POPDC2: variants seen among roughly 807,000 people sequenced by gnomAD.
POPDC2 encodes the protein popeye domain cAMP effector 2.
Under a neutral mutation model 30.5 loss-of-function variants are expected in POPDC2, and 24 were observed. That is an observed-to-expected ratio of 0.79 (90% CI 0.57 to 1.11). POPDC2 has a LOEUF of 1.11. Ranked by LOEUF, POPDC2 falls within the 50% of genes least tolerant of loss-of-function variation. The probability of loss-of-function intolerance (pLI) is 0.00; values close to 1 mark genes in which losing one functional copy is unlikely to be tolerated. For synonymous variants in POPDC2, 185 were observed against 183.3 expected, an observed-to-expected ratio of 1.01 and a Z score of -0.07; for missense variants, 409 against 447.0, an observed-to-expected ratio of 0.91 and a Z score of 0.77.
chr3:119,654,478 C>T (rs753070097), intron 2 of POPDC2, 27 bp downstream of exon 2: 17 of 1,476,952 alleles, frequency 1.2e-5, no homozygotes, highest in African/African-American at 6.9e-5. Context: ...TGGGGTGAGG[C>T]GGTGCTGCCA....
chr3:119,653,004 G>A (rs1230316096), intron 2 of POPDC2, among the ~76,000 whole-genome samples: 4 of 147,398 alleles, frequency 2.7e-5, no homozygotes, highest in African/African-American at 9.9e-5. Context: ...ATCCAGGCAG[G>A]GGAGTCCTTA....
intron 3 of POPDC2, among the ~76,000 whole-genome samples, chr3:119,646,556 T>C (rs946456114): frequency 2.0e-5 from 3 of 152,094 alleles, no homozygotes; most frequent in African/African-American, 7.2e-5. Context: ...GGAGGATCGC[T>C]TGAGCTTTTG....
chr3:119,644,469 C>T (rs982569978), intron 3 of POPDC2, among the ~76,000 whole-genome samples: 7 of 152,048 alleles, frequency 4.6e-5, no homozygotes, highest in Admixed American at 1.3e-4. Flanking sequence ...GCTGGAAGAC[C>T]CTGCATGAAT....
At chr3:119,659,830 G>A (rs1344300278) in intron 1 of POPDC2, 103 bp downstream of exon 1, 2 of 1,375,596 alleles carry the variant, frequency 1.5e-6, no homozygotes, top group African/African-American at 2.9e-5. Context: ...TCAATGGAAG[G>A]GGACACGAAA....
Position 119,660,516 on chromosome 3 carries a change from T to C in POPDC2, c.-93A>G. The C allele has an allele frequency of 7.1e-7, 1 of 1,417,734 alleles. No individual in the cohort carries two copies. Among genetic ancestry groups the C allele is most frequent in the Non-Finnish European group, 9.4e-7 (1 of 1,069,142 alleles). The allele number at this position is 1,417,734 out of a possible 1,614,324, so 87.8% of individuals were successfully genotyped here. ...TGAATCCATCCGCTCAGGGGTCTTC[T>C]CACCTCCGGCTTCTCACTACCGACT... On this transcript the variant is annotated 5_prime_UTR_variant, in exon 1 of 4. Coordinates refer to ENST00000493094, the MANE Select transcript of POPDC2 (RefSeq NM_001369919.2).
chr3:119,642,605 G>C (rs372475108), intron 3 of POPDC2, 44 bp from the exon 4 acceptor site: 1 of 1,341,732 alleles, frequency 7.5e-7, no homozygotes, highest in African/African-American at 1.4e-5. Context: ...TATGTCTCTG[G>C]ACAGTTTGTC....
chr3:119,650,236 G>A (rs747842130), intron 2 of POPDC2, among the ~76,000 whole-genome samples: 1 of 152,038 alleles, frequency 6.6e-6, no homozygotes, highest in Non-Finnish European at 1.5e-5. Flanking sequence ...GAAATATGCT[G>A]TACTTCTTCC....
intron 1 of POPDC2, among the ~76,000 whole-genome samples, chr3:119,659,345 T>C (rs1237497157): frequency 6.6e-6 from 1 of 152,106 alleles, no homozygotes; most frequent in Non-Finnish European, 1.5e-5. Context: ...AATGGAAAGG[T>C]GGGCAAGGGG....
At position 119,648,368 on chromosome 3, in the gene POPDC2, G is replaced by C. The variant is rs547118452; in HGVS notation, c.901C>G (p.Pro301Ala). The change falls in exon 3 of 4, where the codon CCC (proline) becomes GCC (alanine). Residue 301 changes from proline to alanine, a missense_variant. Transcript: ENST00000493094. ...GGGGGTGTTTGCTGGAGAGAGGTGGGTGTGGCCTGAGGAGGGGACACAGCT... is the reference window on the plus strand; with the variant it reads ...GGGGGTGTTTGCTGGAGAGAGGTGGCTGTGGCCTGAGGAGGGGACACAGCT... ...EPAVSPPQAT[P>A]TSLQQTPPCS... 1.5e-5 allele frequency: 24 copies of C among 1,614,164 alleles called. No homozygotes were observed. The Admixed American group carries it at 2.3e-4, about 16-fold the overall frequency.
At chr3:119,643,391 A>G in intron 3 of POPDC2, 1 of 1,535,830 alleles carries the variant, frequency 6.5e-7, no homozygotes, top group Non-Finnish European at 8.7e-7. Context: ...GGATTCTGCC[A>G]GCTGCCACCT....
intron 1 of POPDC2, among the ~76,000 whole-genome samples, chr3:119,655,533 T>G (rs1347674558): frequency 1.3e-5 from 2 of 152,210 alleles, no homozygotes; most frequent in East Asian, 3.8e-4. Context: ...GCTCCACAGA[T>G]TCTCCTTTCT....
At position 119,660,264 on chromosome 3, in the gene POPDC2, A is replaced by C; in HGVS notation, c.160T>G (p.Phe54Val). ...AGGTAACCTGCACTCAGGAAGCCAA[A>C]AAGATAGAAGCATCCATACACCCCA... ...GSGVYGCFYL[F>V]GFLSAGYLCC... Residue 54 changes from phenylalanine to valine, a missense_variant, in exon 1 of 4, where the codon TTT (phenylalanine) becomes GTT (valine). Phe to Val is a conservative substitution (Grantham distance 50). Transcript: ENST00000493094. The C allele has an allele frequency of 6.2e-7, 1 of 1,614,198 alleles. No individual in the cohort carries two copies. The highest frequency in any genetic ancestry group is 8.5e-7 in the Non-Finnish European group (1 of 1,180,030).
In POPDC2 at chr3:119,654,494, CTCCCTG is replaced by C. The variant is rs763670627; in HGVS notation, c.600+5_600+10del. On this transcript the variant is annotated splice_donor_5th_base_variant and intron_variant, in intron 2 of 3. Coordinates refer to ENST00000493094, the MANE Select transcript of POPDC2 (RefSeq NM_001369919.2). Reference sequence around the variant, plus strand: ...GGGGTGAGGCGGTGCTGCCACCAGGCTCCCTGTTACCTGGAACACCCCCTCCTCAGA... The same window carrying C: ...GGGGTGAGGCGGTGCTGCCACCAGGCTTACCTGGAACACCCCCTCCTCAGA... 6.3e-7 allele frequency: 1 copy of C among 1,576,798 alleles called. No individual in the cohort carries two copies. Among genetic ancestry groups the C allele is most frequent in the South Asian group, 1.1e-5 (1 of 90,274 alleles).
At chr3:119,659,542 CCT>C (rs2052916649) in intron 1 of POPDC2, among the ~76,000 whole-genome samples, 1 of 152,200 alleles carries the variant, frequency 6.6e-6, no homozygotes, top group South Asian at 2.1e-4. Flanking sequence ...AACAGATTAA[CCT>C]TATTGAAATG....
In POPDC2 at chr3:119,659,854, G is replaced by A. The variant is rs534134885; in HGVS notation, c.491+79C>T. On this transcript the variant is annotated intron_variant, in intron 1 of 3. Transcript: ENST00000493094. ...GGGGACACGAAATGGAAAGGGACATGAAATGGAAAGGGACACACTAGGAAA... is the reference window on the plus strand; with the variant it reads ...GGGGACACGAAATGGAAAGGGACATAAAATGGAAAGGGACACACTAGGAAA... 3.4e-6 allele frequency: 5 copies of A among 1,466,376 alleles called. No individual in the cohort carries two copies. In the African/African-American group the frequency reaches 5.7e-5, roughly 17 times the overall value. The allele number at this position is 1,466,376 out of a possible 1,614,324, so 90.8% of individuals were successfully genotyped here.
rs1485769947 is a variant in POPDC2 at position 119,648,566 on chromosome 3, C to T, written c.703G>A (p.Ala235Thr). The change falls in exon 3 of 4, where the codon GCT (alanine) becomes ACT (threonine). Residue 235 changes from alanine to threonine, a missense_variant. Ala to Thr is a moderately conservative substitution (Grantham distance 58). Transcript: ENST00000493094. ...TCTGAGATGTCATATCCCAGCAGAG[C>T]CGAGAAGAGGCAGGAGATGTATCGC... Reference protein sequence around the residue: ...KERYISCLFSALLGYDISEKL... With the variant: ...KERYISCLFSTLLGYDISEKL... 6.2e-7 allele frequency: 1 copy of T among 1,613,978 alleles called. No homozygotes were observed. The highest frequency in any genetic ancestry group is 8.5e-7 in the Non-Finnish European group (1 of 1,180,034).
intron 3 of POPDC2, among the ~76,000 whole-genome samples, chr3:119,645,566 C>CAAAAAAAAAAAAAAAAA (rs201320482): frequency 2.6e-5 from 3 of 115,208 alleles, no homozygotes; most frequent in Non-Finnish European, 5.2e-5. Context: ...CCGTCTCAAA[C>CAAAAAAAAAAAAAAAAA]AAAAAAAAAA....
At chr3:119,654,122 T>C (rs528915644) in intron 2 of POPDC2, among the ~76,000 whole-genome samples, 45 of 152,164 alleles carry the variant, frequency 3.0e-4, no homozygotes, top group African/African-American at 1.1e-3. Context: ...ATGTGGTGTG[T>C]TTAGGGAAGT....
intron 3 of POPDC2, among the ~76,000 whole-genome samples, chr3:119,646,106 T>C (rs1468761621): frequency 1.3e-5 from 2 of 152,154 alleles, no homozygotes; most frequent in East Asian, 1.9e-4. Context: ...TGGTTTTCTT[T>C]ATAGGCAGAG....
Sources: gnomAD v4.1 joint callset for allele counts (sites outside exome capture counted in the v4.1 genomes callset) on GRCh38, gnomAD v4.1.1 for gene constraint, MANE v1.5 for transcripts, NCBI Gene and HGNC (gene_info 2026-07-23, HGNC 2026-07-21) for gene names.